RNF169: variants seen among roughly 807,000 people sequenced by gnomAD.
RNF169 encodes the protein E3 ubiquitin-protein ligase RNF169.
A neutral mutation model predicts 53.9 loss-of-function variants in RNF169; 24 were observed. The observed-to-expected ratio is 0.45, with a 90% CI of 0.32 to 0.63. The LOEUF is 0.63. Among genes scored for constraint, RNF169 ranks in the 20% least tolerant of loss-of-function variants. The pLI is 0.04. For synonymous variants in RNF169, 396 were observed against 363.5 expected (o/e 1.09, Z -1.02); for missense variants, 883 against 906.2 (o/e 0.97, Z 0.33).
At chr11:74,802,753 T>C (rs952635949) in intron 2 of RNF169, among the ~76,000 whole-genome samples, 2 of 152,008 alleles carry the variant, frequency 1.3e-5, no homozygotes. Context: ...ACATATAGAA[T>C]CTGATGCACT....
intron 1 of RNF169, among the ~76,000 whole-genome samples, chr11:74,784,698 A>C (rs1195799797): frequency 1.3e-5 from 2 of 152,234 alleles, no homozygotes; most frequent in Non-Finnish European, 2.9e-5. Flanking sequence ...GCAGGAAAGC[A>C]GATGTTTGGC....
chr11:74,795,980 C>T (rs1284022418), intron 2 of RNF169, among the ~76,000 whole-genome samples: 1 of 152,188 alleles, frequency 6.6e-6, no homozygotes, highest in African/African-American at 2.4e-5. Flanking sequence ...AAATCCTTGC[C>T]AAACCTTTTT....
chr11:74,756,410 C>G (rs2034983885), intron 1 of RNF169, among the ~76,000 whole-genome samples: 1 of 152,158 alleles, frequency 6.6e-6, no homozygotes, highest in Admixed American at 6.5e-5. Context: ...TGGATACTCT[C>G]TGTGTCTTAG....
chr11:74,817,593 C>T lies in RNF169; in HGVS notation c.724-3C>T, dbSNP rs756537452. 15 of 1,592,610 alleles carry T rather than the reference C, an allele frequency of 9.4e-6. No homozygotes were observed. The highest frequency in any genetic ancestry group is 1.3e-5 in the Non-Finnish European group (15 of 1,160,520). ...AGTGTTGTCTCCCTTGTCTCCCTGC[C>T]AGTGTCCTGCACGTCTCTCAGATTC... On this transcript the variant is annotated splice_polypyrimidine_tract_variant and splice_region_variant and intron_variant, in intron 3 of 5. Transcript: ENST00000299563.
chr11:74,758,780 A>G (rs1340989346), intron 1 of RNF169, among the ~76,000 whole-genome samples: 2 of 152,152 alleles, frequency 1.3e-5, no homozygotes, highest in Admixed American at 1.3e-4. Context: ...CTGGGATTAC[A>G]GGCGTGAGCC....
intron 1 of RNF169, among the ~76,000 whole-genome samples, chr11:74,751,059 C>T (rs765892248): frequency 7.9e-5 from 12 of 151,696 alleles, no homozygotes; most frequent in East Asian, 1.9e-4. Flanking sequence ...TTAGTAGAGA[C>T]GGGGTTTCGC....
Position 74,810,317 on chromosome 11 carries a change from C to G in RNF169, c.710C>G (p.Thr237Arg), listed in dbSNP as rs371597546. Residue 237 changes from threonine to arginine, a missense_variant, in exon 3 of 6, where the codon ACA (threonine) becomes AGA (arginine). Physicochemically the swap from Thr to Arg is moderately conservative, Grantham distance 71. This residue lies in a region of RNF169 where 219 missense variants were observed against 289.1 expected (regional missense o/e 0.76). Coordinates refer to ENST00000299563, the MANE Select transcript of RNF169 (RefSeq NM_001098638.2). ...KKRDEPLVLK[T>R]NLERCPARLS... ...AGAGATGAACCATTAGTACTGAAAA[C>G]AAATCTGGAACGTGTAAGTAAATCA... 6.2e-7 allele frequency: 1 copy of G among 1,613,194 alleles called. No individual in the cohort carries two copies. Among genetic ancestry groups the G allele is most frequent in the Non-Finnish European group, 8.5e-7 (1 of 1,179,828 alleles).
chr11:74,789,573 G>A, intron 1 of RNF169, 53 bp from the exon 2 acceptor site: 1 of 1,147,734 alleles, frequency 8.7e-7, no homozygotes, highest in Non-Finnish European at 1.3e-6. Flanking sequence ...TGCCTCCTGT[G>A]GGTCTTCCTA....
chr11:74,761,197 A>G (rs1469086616), intron 1 of RNF169, among the ~76,000 whole-genome samples: 44 of 140,834 alleles, frequency 3.1e-4, no homozygotes, highest in African/African-American at 1.1e-3. Flanking sequence ...TTTTGAGCCT[A>G]TGTGTGTCTC....
At chr11:74,809,848 C>T (rs2035852373) in intron 2 of RNF169, among the ~76,000 whole-genome samples, 2 of 152,238 alleles carry the variant, frequency 1.3e-5, no homozygotes, top group Non-Finnish European at 2.9e-5. Context: ...AATGCAGTTA[C>T]ATCTGGCTTA....
At chr11:74,752,357 GA>G (rs1256742593) in intron 1 of RNF169, among the ~76,000 whole-genome samples, 1 of 152,008 alleles carries the variant, frequency 6.6e-6, no homozygotes, top group African/African-American at 2.4e-5. Flanking sequence ...GGCACTTTGG[GA>G]GGCTAAGGCG....
intron 2 of RNF169, among the ~76,000 whole-genome samples, chr11:74,797,526 T>C (rs901752974): frequency 1.3e-5 from 2 of 152,224 alleles, no homozygotes; most frequent in African/African-American, 2.4e-5. Flanking sequence ...TTTAGTCTCT[T>C]TAACTCCACT....
intron 2 of RNF169, among the ~76,000 whole-genome samples, chr11:74,797,964 G>T (rs2035673136): frequency 6.6e-6 from 1 of 152,290 alleles, no homozygotes; most frequent in South Asian, 2.1e-4. Flanking sequence ...AAGTTTCGAA[G>T]ATTTCATGGA....
intron 2 of RNF169, among the ~76,000 whole-genome samples, chr11:74,803,576 G>A (rs1286469343): frequency 2.0e-5 from 3 of 152,168 alleles, no homozygotes; most frequent in African/African-American, 7.2e-5. Context: ...GTTACTTAGT[G>A]TTTAAAAGAT....
chr11:74,762,055 C>G (rs1158109691), intron 1 of RNF169, among the ~76,000 whole-genome samples: 34 of 142,414 alleles, frequency 2.4e-4, no homozygotes, highest in African/African-American at 8.9e-4. Flanking sequence ...TCATTCATTT[C>G]ATCTTCCATC....
chr11:74,829,138 A>G (rs1353591205), intron 4 of RNF169, among the ~76,000 whole-genome samples: 1 of 152,214 alleles, frequency 6.6e-6, no homozygotes, highest in East Asian at 1.9e-4. Flanking sequence ...GAACTTAAAC[A>G]AATTTACAAG....
intron 4 of RNF169, among the ~76,000 whole-genome samples, chr11:74,826,735 C>G (rs944616377): frequency 6.6e-6 from 1 of 152,232 alleles, no homozygotes; most frequent in African/African-American, 2.4e-5. Flanking sequence ...GCTACAGGCC[C>G]CATGCAAGTC....
intron 1 of RNF169, among the ~76,000 whole-genome samples, chr11:74,770,700 TAATA>T (rs200166012): frequency 0.014 from 2,184 of 152,354 alleles, 16 homozygotes; most frequent in Non-Finnish European, 0.022. Flanking sequence ...CAGAATTCTA[TAATA>T]AATGAATTAA....
Position 74,835,546 on chromosome 11 carries a change from G to A in RNF169, c.943G>A (p.Val315Ile). 1 of 1,611,634 alleles carries A rather than the reference G, an allele frequency of 6.2e-7. No individual in the cohort carries two copies. The highest frequency in any genetic ancestry group is 8.5e-7 in the Non-Finnish European group (1 of 1,178,150). ...GCATAATCTTTTTAATCTCTTTCAG[G>A]TCACAACTATGACTCCAGCCTCCAA... ...VRAVPGNKAKVTTMTPASNPI... is the reference protein window; with the variant it reads ...VRAVPGNKAKITTMTPASNPI... Residue 315 changes from valine (V) to isoleucine (I), a missense_variant and splice_region_variant, in exon 6 of 6, where the codon GTC becomes ATC. Physicochemically the swap from Val to Ile is conservative, Grantham distance 29. Transcript: ENST00000299563.
Sources: allele counts gnomAD v4.1 joint callset (sites outside exome capture counted in the v4.1 genomes callset), GRCh38; gene constraint gnomAD v4.1.1; regional missense constraint gnomAD v4.1.1; transcripts MANE v1.5; gene names NCBI Gene and HGNC (gene_info 2026-07-23, HGNC 2026-07-21).